Variants in TCOF1 observed in about 807,000 individuals in gnomAD.
The protein encoded by TCOF1 is treacle ribosome biogenesis factor 1.
A neutral mutation model predicts 149.0 loss-of-function variants in TCOF1; 33 were observed. The observed-to-expected ratio is 0.22, with a 90% CI of 0.17 to 0.30. TCOF1 has a LOEUF of 0.30. Among genes scored for constraint, TCOF1 ranks in the 10% least tolerant of loss-of-function variants. The probability of loss-of-function intolerance (pLI) is 1.00; values close to 1 mark genes in which losing one functional copy is unlikely to be tolerated. For missense variants in TCOF1, 1,728 were observed against 1,840.7 expected, an observed-to-expected ratio of 0.94 and a Z score of 1.12; for synonymous variants, 789 against 738.8, an observed-to-expected ratio of 1.07 and a Z score of -1.10.
Position 150,386,488 on chromosome 5 carries a change from G to A in TCOF1, c.2860-1414G>A, listed in dbSNP as rs374553634. ...GTAGGAAAGGCCTAAGCCCAGAGAAGCTTCCACCCTCAGGCAGGCACCTTT... is the reference window on the plus strand; with the variant it reads ...GTAGGAAAGGCCTAAGCCCAGAGAAACTTCCACCCTCAGGCAGGCACCTTT... On this transcript the variant is annotated intron_variant, in intron 17 of 26. Coordinates refer to ENST00000643257, the MANE Select transcript of TCOF1 (RefSeq NM_001371623.1). Among the ~76,000 whole-genome samples, 6 of 152,338 alleles carry A rather than the reference G, an allele frequency of 3.9e-5. No homozygotes were observed. In the East Asian group the frequency reaches 1.2e-3, roughly 29 times the overall value.
chr5:150,372,180 A>C lies in TCOF1; in HGVS notation c.814A>C (p.Ser272Arg). The part of the protein sequence containing the change: ...RAKKPEEESE[S>R]SEEGSESEEE... ...CAAGAAGCCAGAAGAGGAGTCAGAGAGTAGTGAGGAGGGATCTGAAAGTGA... is the reference window on the plus strand; with the variant it reads ...CAAGAAGCCAGAAGAGGAGTCAGAGCGTAGTGAGGAGGGATCTGAAAGTGA... Residue 272 changes from serine (S) to arginine (R), a missense_variant, in exon 7 of 27, where the codon AGT (serine) becomes CGT (arginine). By Grantham distance (110) the Ser-to-Arg change is moderately radical (BLOSUM62 -1). Around this residue, in one of 2 missense-constraint regions of TCOF1, gnomAD observed 1,696 missense variants for 1,765.4 expected, o/e 0.96. Transcript: ENST00000643257. The C allele has an allele frequency of 3.7e-6, 6 of 1,614,052 alleles. No homozygotes were observed. The highest frequency in any genetic ancestry group is 5.1e-6 in the Non-Finnish European group (6 of 1,179,968).
In TCOF1 at chr5:150,376,701, G is replaced by A; in HGVS notation, c.2340+81G>A. On this transcript the variant is annotated intron_variant, in intron 14 of 26. Transcript: ENST00000643257. Reference sequence around the variant, plus strand: ...TGAGGATGGGCTTGACTGGGGGCTAGTGTTGCCTGCAGGTGTGCAGAAGCC... The same window carrying A: ...TGAGGATGGGCTTGACTGGGGGCTAATGTTGCCTGCAGGTGTGCAGAAGCC... 4 of 1,444,492 alleles carry A rather than the reference G, an allele frequency of 2.8e-6. No individual in the cohort carries two copies. The South Asian group carries it at 3.7e-5, about 13-fold the overall frequency. The allele number at this position is 1,444,492 out of a possible 1,614,324, so 89.5% of individuals were successfully genotyped here. A position where few individuals can be genotyped will look rare whatever the true frequency, so the allele number is the denominator to read the frequency against.
In TCOF1 at chr5:150,392,045, A is replaced by G. The variant is rs1445608892; in HGVS notation, c.3386A>G (p.Lys1129Arg). ...GGGACCAACAAGCTCAGAAAACCTA[A>G]GCTTCCTGAGGTCCAGCAGGCCACC... ...AKGTNKLRKP[K>R]LPEVQQATKA... The change falls in exon 21 of 27, where the codon AAG (lysine) becomes AGG (arginine). Residue 1129 changes from lysine (K) to arginine (R), a missense_variant. By Grantham distance (26) the Lys-to-Arg change is conservative. Coordinates refer to ENST00000643257, the MANE Select transcript of TCOF1 (RefSeq NM_001371623.1). The G allele has an allele frequency of 6.2e-7, 1 of 1,614,238 alleles. No individual in the cohort carries two copies.
In TCOF1 at chr5:150,372,206, G is replaced by A. The variant is rs368682305; in HGVS notation, c.840G>A (p.Glu280=). 1.9e-6 allele frequency: 3 copies of A among 1,613,204 alleles called. No individual in the cohort carries two copies. The highest frequency in any genetic ancestry group is 2.2e-5 in the East Asian group (1 of 44,864). Residue 280 remains glutamate (E), a synonymous_variant, in exon 7 of 27, where the codon GAG becomes GAA. Transcript: ENST00000643257. ...GTAGTGAGGAGGGATCTGAAAGTGAGGAGGAGGCCCCTGCAGGGACACGAA... is the reference window on the plus strand; with the variant it reads ...GTAGTGAGGAGGGATCTGAAAGTGAAGAGGAGGCCCCTGCAGGGACACGAA... The part of the protein sequence containing the change: ...SESSEEGSES[E]EEAPAGTRSQ...
chr5:150,387,034 G>T (rs1055709114), intron 17 of TCOF1, among the ~76,000 whole-genome samples: 1 of 152,180 alleles, frequency 6.6e-6, no homozygotes, highest in East Asian at 1.9e-4. Flanking sequence ...CTCGTTTCAC[G>T]CAAACCCTCC....
intron 4 of TCOF1, chr5:150,368,125 T>C: frequency 1.4e-5 from 8 of 567,640 alleles, no homozygotes; most frequent in South Asian, 1.4e-4. Flanking sequence ...TGATGCCTGC[T>C]GCAGTGGGCC....
chr5:150,385,115 A>G (rs1414414082), intron 17 of TCOF1: 9 of 977,738 alleles, frequency 9.2e-6, no homozygotes, highest in South Asian at 4.7e-5. Flanking sequence ...CACAATGTAT[A>G]TGTGTATCAA....
At chr5:150,391,915 C>T (rs1406904403) in intron 20 of TCOF1, 42 bp from the exon 21 acceptor site, 1 of 1,599,948 alleles carries the variant, frequency 6.3e-7, no homozygotes, top group South Asian at 1.1e-5. Flanking sequence ...GTCTTACTTG[C>T]CCTAATTTTT....
Position 150,361,142 on chromosome 5 carries a change from T to C in TCOF1, c.109-14T>C, listed in dbSNP as rs548853406. 6.2e-7 allele frequency: 1 copy of C among 1,614,096 alleles called. No individual in the cohort carries two copies. Among genetic ancestry groups the C allele is most frequent in the African/African-American group, 1.3e-5 (1 of 75,030 alleles). On this transcript the variant is annotated splice_polypyrimidine_tract_variant and intron_variant, in intron 1 of 26. Coordinates refer to ENST00000643257, the MANE Select transcript of TCOF1 (RefSeq NM_001371623.1). The stretch of plus-strand genomic sequence containing the variant: ...CTGGGGATTAATTGTGGCTTTCTCT[T>C]TACCTCTCTGCAGAAGTGTTTCCTG...
intron 14 of TCOF1, 28 bp downstream of exon 14, chr5:150,376,648 C>T (rs2150744247): frequency 6.5e-7 from 1 of 1,549,404 alleles, no homozygotes; most frequent in Non-Finnish European, 8.7e-7. Flanking sequence ...CAGGCCCATC[C>T]CACCCACACC....
chr5:150,363,342 C>T (rs1256938902), intron 2 of TCOF1, among the ~76,000 whole-genome samples: 1 of 152,176 alleles, frequency 6.6e-6, no homozygotes, highest in Non-Finnish European at 1.5e-5. Context: ...CATGACAGAG[C>T]AGAGTCCATC....
At chr5:150,384,265 C>G in intron 17 of TCOF1, 1 of 990,374 alleles carries the variant, frequency 1.0e-6, no homozygotes. Context: ...ATCGGTAACT[C>G]CCTGTATTCT....
chr5:150,386,589 AG>A (rs1390365032), intron 17 of TCOF1, among the ~76,000 whole-genome samples: 6 of 151,392 alleles, frequency 4.0e-5, no homozygotes, highest in African/African-American at 1.5e-4. Flanking sequence ...AGTCAGGCTC[AG>A]GGGGTAAACA....
Position 150,392,801 on chromosome 5 carries a change from G to T in TCOF1, c.3603+11G>T. On this transcript the variant is annotated intron_variant, in intron 22 of 26. Coordinates refer to ENST00000643257, the MANE Select transcript of TCOF1 (RefSeq NM_001371623.1). ...GTGGCGCCATCCCAGGTAACTGCAA[G>T]GGAGAGGACTGGCAGCCCATAGGCC... 1.2e-6 allele frequency: 2 copies of T among 1,613,620 alleles called. No homozygotes were observed.
intron 24 of TCOF1, among the ~76,000 whole-genome samples, chr5:150,397,153 CAA>C (rs58246300): frequency 1.5e-3 from 137 of 88,684 alleles, no homozygotes; most frequent in African/African-American, 3.8e-3. Context: ...GCAAGACTGT[CAA>C]AAAAAAAAAA....
chr5:150,362,494 C>T (rs534285714), intron 2 of TCOF1, among the ~76,000 whole-genome samples: 9 of 152,148 alleles, frequency 5.9e-5, no homozygotes, highest in African/African-American at 9.6e-5. Context: ...TCTCTGAGGC[C>T]CCGGAGACAG....
chr5:150,379,742 G>T lies in TCOF1; in HGVS notation c.2859+10G>T. 6.2e-7 allele frequency: 1 copy of T among 1,613,172 alleles called. No homozygotes were observed. Among genetic ancestry groups the T allele is most frequent in the Middle Eastern group, 1.6e-4 (1 of 6,062 alleles). On this transcript the variant is annotated intron_variant, in intron 17 of 26. Transcript: ENST00000643257. ...TGTGACCTCTGCCCAGGTAAGACTTGCCAGGCCTCTGAGCCACCAACACTC... is the reference window on the plus strand; with the variant it reads ...TGTGACCTCTGCCCAGGTAAGACTTTCCAGGCCTCTGAGCCACCAACACTC...
chr5:150,383,403 C>T (rs963779332), intron 17 of TCOF1, among the ~76,000 whole-genome samples: 4 of 152,238 alleles, frequency 2.6e-5, no homozygotes, highest in African/African-American at 4.8e-5. Flanking sequence ...GGGCGAAGCC[C>T]AGCTCTTCCA....
intron 17 of TCOF1, among the ~76,000 whole-genome samples, chr5:150,381,329 G>T (rs1406320076): frequency 6.6e-6 from 1 of 152,226 alleles, no homozygotes; most frequent in Non-Finnish European, 1.5e-5. Context: ...GGGGGTGAAA[G>T]ACATTGGCCC....
Sources: gnomAD v4.1 joint callset for allele counts (sites outside exome capture counted in the v4.1 genomes callset) on GRCh38, gnomAD v4.1.1 for gene constraint, gnomAD v4.1.1 regional missense constraint, MANE v1.5 for transcripts, NCBI Gene and HGNC (gene_info 2026-07-23, HGNC 2026-07-21) for gene names.